The following AUP1 variants were observed in gnomAD, a reference collection of about 807,000 sequenced individuals.
AUP1 encodes lipid droplet-regulating VLDL assembly factor AUP1.
In AUP1, 30 loss-of-function variants were observed where a neutral mutation model predicts 51.8. The observed-to-expected ratio is 0.58, with a 90% CI of 0.43 to 0.79. The LOEUF is 0.79. Among genes scored for constraint, AUP1 ranks in the 30% least tolerant of loss-of-function variants. AUP1 has a pLI of 0.00. For synonymous variants in AUP1, 227 were observed against 209.0 expected (o/e 1.09, Z -0.74); for missense variants, 492 against 517.1 (o/e 0.95, Z 0.47).
chr2:74,528,238 C>G lies in AUP1; in HGVS notation c.671+10G>C, dbSNP rs1675294236. ...CTCCCCAGCGACCAAAATGTGAGGA[C>G]AGTTAATACCTTACTTGATACACCG... On this transcript the variant is annotated intron_variant, in intron 6 of 11. Transcript: ENST00000377526. 1.2e-6 allele frequency: 2 copies of G among 1,612,456 alleles called. No individual in the cohort carries two copies. Among genetic ancestry groups the G allele is most frequent in the South Asian group, 2.2e-5 (2 of 91,044 alleles).
At position 74,529,387 on chromosome 2, in the gene AUP1, C is replaced by T. The variant is rs115467431; in HGVS notation, c.163G>A (p.Ala55Thr). Residue 55 changes from alanine (A) to threonine (T), a missense_variant, in exon 2 of 12, where the codon GCG (alanine) becomes ACG (threonine). Physicochemically the swap from Ala to Thr is moderately conservative, Grantham distance 58. Coordinates refer to ENST00000377526, the MANE Select transcript of AUP1 (RefSeq NM_181575.5). ...LGIHVFLVSC[A>T]LPDSVLRRFV... Reference sequence around the variant, plus strand: ...CTGCGAAGGACGCTGTCTGGCAGCGCGCAGCTGACCAGGAAGACGTGGATC... The same window carrying T: ...CTGCGAAGGACGCTGTCTGGCAGCGTGCAGCTGACCAGGAAGACGTGGATC... 3,451 of 1,607,406 alleles carry T rather than the reference C, an allele frequency of 2.1e-3. 66 individuals are homozygous for T. The African/African-American group carries it at 0.04, about 19-fold the overall frequency.
chr2:74,527,191 C>A (rs532720994), intron 10 of AUP1, 57 bp downstream of exon 10: 16 of 1,599,768 alleles, frequency 1.0e-5, no homozygotes, highest in East Asian at 6.7e-5. Flanking sequence ...TAAGGGAGTA[C>A]ATAGCCTGCC....
chr2:74,528,360 AG>A (rs1184960676), intron 5 of AUP1, 39 bp from the exon 6 acceptor site: 1 of 1,612,052 alleles, frequency 6.2e-7, no homozygotes, highest in Non-Finnish European at 8.5e-7. Context: ...AGCCAGGGCC[AG>A]GGATGGGAAA....
In AUP1 at chr2:74,528,053, G is replaced by C. The variant is rs141864406; in HGVS notation, c.672-47C>G. On this transcript the variant is annotated intron_variant, in intron 6 of 11. Transcript: ENST00000377526. ...CTATGTTGTGGGCACCCAGGGTAGAGGCTGTCACCATTCCCCACTTTGGTA... is the reference window on the plus strand; with the variant it reads ...CTATGTTGTGGGCACCCAGGGTAGACGCTGTCACCATTCCCCACTTTGGTA... 514 of 1,605,114 alleles carry C rather than the reference G, an allele frequency of 3.2e-4. 5 individuals are homozygous for C. The African/African-American group carries it at 5.8e-3, about 18-fold the overall frequency.
chr2:74,527,034 G>T lies in AUP1; in HGVS notation c.1103C>A (p.Pro368His). 1 of 1,614,200 alleles carries T rather than the reference G, an allele frequency of 6.2e-7. No individual in the cohort carries two copies. Among genetic ancestry groups the T allele is most frequent in the Non-Finnish European group, 8.5e-7 (1 of 1,180,040 alleles). ...SKFPSSGPVT[P>H]QPTALTFAKS... The stretch of plus-strand genomic sequence containing the variant: ...GGCAAATGTTAGGGCTGTTGGCTGA[G>T]GGGTCACCGGGCCAGAGCTGGGAAA... The change falls in exon 11 of 12, where the codon CCT becomes CAT. Residue 368 changes from proline (P) to histidine (H), a missense_variant. Physicochemically the swap from Pro to His is moderately conservative, Grantham distance 77. Transcript: ENST00000377526.
Position 74,528,924 on chromosome 2 carries a change from A to G in AUP1, c.351T>C (p.Asn117=). The G allele has an allele frequency of 6.2e-7, 1 of 1,614,042 alleles. No homozygotes were observed. Residue 117 remains asparagine (N), a synonymous_variant, in exon 4 of 12, where the codon AAT becomes AAC. Transcript: ENST00000377526. ...LLTTCSTPLL[N]SPPSFVCWSR... ...ACCAGCACACAAAGCTGGGGGGACT[A>G]TTGAGTAGAGGCTGGGAACCAGGAG... is the stretch of plus-strand genomic sequence containing the variant.
chr2:74,529,161 T>C lies in AUP1; in HGVS notation c.310A>G (p.Ile104Val), dbSNP rs201711130. The C allele has an allele frequency of 9.0e-5, 145 of 1,614,102 alleles. No homozygotes were observed. In the South Asian group the frequency reaches 9.1e-4, roughly 10 times the overall value. Residue 104 changes from isoleucine to valine, a missense_variant, in exon 3 of 12, where the codon ATA becomes GTA. Ile to Val is a conservative substitution (Grantham distance 29). Coordinates refer to ENST00000377526, the MANE Select transcript of AUP1 (RefSeq NM_181575.5). ...CTACAGGTGGTAAGCAAATTGACTA[T>C]GTTGTGGTCGAAAGGTGTCACATGG... ...SNHVTPFDHN[I>V]VNLLTTCSTP...
Position 74,529,400 on chromosome 2 carries a change from G to T in AUP1, c.150C>A (p.Phe50Leu). Residue 50 changes from phenylalanine to leucine, a missense_variant, in exon 2 of 12, where the codon TTC becomes TTA. Physicochemically the swap from Phe to Leu is conservative, Grantham distance 22. Transcript: ENST00000377526. ...TGTCTGGCAGCGCGCAGCTGACCAGGAAGACGTGGATCCCGAGAAAGAGGC... is the reference window on the plus strand; with the variant it reads ...TGTCTGGCAGCGCGCAGCTGACCAGTAAGACGTGGATCCCGAGAAAGAGGC... ...VLRLFLGIHV[F>L]LVSCALPDSV... 1 of 1,602,664 alleles carries T rather than the reference G, an allele frequency of 6.2e-7. No homozygotes were observed. Among genetic ancestry groups the T allele is most frequent in the Non-Finnish European group, 8.5e-7 (1 of 1,174,334 alleles).
chr2:74,528,102 A>G (rs1369559905), intron 6 of AUP1, 96 bp from the exon 7 acceptor site: 5 of 1,511,926 alleles, frequency 3.3e-6, no homozygotes, highest in Non-Finnish European at 3.7e-6. Flanking sequence ...TGGGTGGGAA[A>G]ATAGTAAATA....
At position 74,529,443 on chromosome 2, in the gene AUP1, A is replaced by C; in HGVS notation, c.107T>G (p.Phe36Cys). Residue 36 changes from phenylalanine to cysteine, a missense_variant, in exon 2 of 12, where the codon TTC becomes TGC. Physicochemically the swap from Phe to Cys is radical, Grantham distance 205. Coordinates refer to ENST00000377526, the MANE Select transcript of AUP1 (RefSeq NM_181575.5). ...AAAGAGGCGCAGGACGAGGAGGCAG[A>C]ACCCGACTGGCGCGTAGAGCAGCAG... is the stretch of plus-strand genomic sequence containing the variant. ...LVLLLYAPVG[F>C]CLLVLRLFLG... is the part of the protein sequence containing the mutation. 1.3e-6 allele frequency: 2 copies of C among 1,572,512 alleles called. No individual in the cohort carries two copies. Among genetic ancestry groups the C allele is most frequent in the Non-Finnish European group, 8.6e-7 (1 of 1,158,070 alleles).
Position 74,527,844 on chromosome 2 carries a change from G to A in AUP1, c.739-6C>T, listed in dbSNP as rs1472643913. ...CCCAATTCCTTGGCCACCAGCTAGGGAGAATTGGAAGACTGGAAGTGTCAA... is the reference window on the plus strand; with the variant it reads ...CCCAATTCCTTGGCCACCAGCTAGGAAGAATTGGAAGACTGGAAGTGTCAA... On this transcript the variant is annotated splice_polypyrimidine_tract_variant and splice_region_variant and intron_variant, in intron 7 of 11. Coordinates refer to ENST00000377526, the MANE Select transcript of AUP1 (RefSeq NM_181575.5). 4 of 1,614,070 alleles carry A rather than the reference G, an allele frequency of 2.5e-6. No individual in the cohort carries two copies. The highest frequency in any genetic ancestry group is 3.3e-5 in the Admixed American group (2 of 60,022).
chr2:74,527,294 T>A lies in AUP1; in HGVS notation c.1031A>T (p.Asp344Val). ...TAGGGACTGAGTTCCCTTGGTGATG[T>A]CTTCAGGCATGAAAGCTACGGCCCC... ...LEGAVAFMPEDITKGTQSLPT... is the reference protein window; with the variant it reads ...LEGAVAFMPEVITKGTQSLPT... Residue 344 changes from aspartate to valine, a missense_variant, in exon 10 of 12, where the codon GAC (aspartate) becomes GTC (valine). Transcript: ENST00000377526. 4 of 1,614,100 alleles carry A rather than the reference T, an allele frequency of 2.5e-6. No individual in the cohort carries two copies. The highest frequency in any genetic ancestry group is 3.4e-6 in the Non-Finnish European group (4 of 1,180,010).
At position 74,526,762 on chromosome 2, in the gene AUP1, C is replaced by T. The variant is rs548084679; in HGVS notation, c.*38G>A. 1.8e-5 allele frequency: 27 copies of T among 1,516,918 alleles called. No individual in the cohort carries two copies. The East Asian group carries it at 3.6e-4, about 20-fold the overall frequency. 94.0% of individuals were successfully genotyped at this position (1,516,918 alleles called of 1,614,324 possible). A position where few individuals can be genotyped will look rare whatever the true frequency, so the allele number is the denominator to read the frequency against. On this transcript the variant is annotated 3_prime_UTR_variant, in exon 12 of 12. Coordinates refer to ENST00000377526, the MANE Select transcript of AUP1 (RefSeq NM_181575.5). ...TTGGGTGAGGGCTGCCCCCAGTCTC[C>T]GTCCTGCGGCTCTGGGTGCCATCCT...
rs773078843 is a variant in AUP1 at position 74,529,336 on chromosome 2, C to T, written c.188+26G>A. On this transcript the variant is annotated intron_variant, in intron 2 of 11. Transcript: ENST00000377526. Reference sequence around the variant, plus strand: ...GGCCTCGGGCCAGACCCAGCTCTGACACTCCCCGAACGCCCGCGTCGGAAC... The same window carrying T: ...GGCCTCGGGCCAGACCCAGCTCTGATACTCCCCGAACGCCCGCGTCGGAAC... 38 of 1,613,356 alleles carry T rather than the reference C, an allele frequency of 2.4e-5. No individual in the cohort carries two copies. The South Asian group carries it at 4.0e-4, about 17-fold the overall frequency.
chr2:74,528,482 G>A lies in AUP1; in HGVS notation c.532C>T (p.Pro178Ser), dbSNP rs1037264520. 1 of 1,613,028 alleles carries A rather than the reference G, an allele frequency of 6.2e-7. No homozygotes were observed. The highest frequency in any genetic ancestry group is 8.5e-7 in the Non-Finnish European group (1 of 1,179,358). Residue 178 changes from proline (P) to serine (S), a missense_variant, in exon 5 of 12, where the codon CCA becomes TCA. Pro to Ser is a moderately conservative substitution (Grantham distance 74). Transcript: ENST00000377526. ...REGLLRFSSWPFSIQDVVQPL... is the reference protein window; with the variant it reads ...REGLLRFSSWSFSIQDVVQPL... ...TGTACCACATCTTGGATAGAAAATG[G>A]CCAGGAACTAGAAGAGGAAGGAGAA...
intron 4 of AUP1, 23 bp from the exon 5 acceptor site, chr2:74,528,512 G>C: frequency 2.5e-6 from 4 of 1,598,492 alleles, no homozygotes; most frequent in Non-Finnish European, 3.4e-6. Flanking sequence ...GGAGAAAGTA[G>C]GATGGGAATC....
rs988986784 is a variant in AUP1, at chr2:74,528,901, C to T, written c.374G>A (p.Trp125Ter). The T allele has an allele frequency of 6.2e-7, 1 of 1,613,894 alleles. No homozygotes were observed. Among genetic ancestry groups the T allele is most frequent in the African/African-American group, 1.3e-5 (1 of 74,820 alleles). ...LLNSPPSFVC[W>*]SRGFMEMNGR... ...ATTCATCTCCATGAAGCCCCGAGAC[C>T]AGCACACAAAGCTGGGGGGACTATT... Residue 125 changes from tryptophan (W) to a stop codon, truncating the protein, a stop_gained, in exon 4 of 12, where the codon TGG (tryptophan) becomes TAG (stop). Transcript: ENST00000377526. LOFTEE classifies it high-confidence loss of function.
At chr2:74,528,964 A>C in intron 3 of AUP1, 29 bp from the exon 4 acceptor site, 4 of 1,607,120 alleles carry the variant, frequency 2.5e-6, no homozygotes, top group Non-Finnish European at 3.4e-6. Context: ...GAAAGCAAGA[A>C]GAAAAATATT....
chr2:74,529,132 G>A lies in AUP1; in HGVS notation c.339C>T (p.Thr113=), dbSNP rs779197795. ...CGCTCTCGGCCTCGCTCTCACTCAC[G>A]GTGCTACAGGTGGTAAGCAAATTGA... ...NIVNLLTTCS[T]PLLNSPPSFV... Residue 113 remains threonine (T), a splice_region_variant and synonymous_variant, in exon 3 of 12, where the codon ACC becomes ACT. Coordinates refer to ENST00000377526, the MANE Select transcript of AUP1 (RefSeq NM_181575.5). 1 of 1,614,230 alleles carries A rather than the reference G, an allele frequency of 6.2e-7. No individual in the cohort carries two copies. The highest frequency in any genetic ancestry group is 1.7e-5 in the Admixed American group (1 of 60,032).
Sources: gnomAD v4.1 joint callset for allele counts on GRCh38, gnomAD v4.1.1 for gene constraint, MANE v1.5 for transcripts, NCBI Gene and HGNC (gene_info 2026-07-23, HGNC 2026-07-21) for gene names.